LUZP2: variants seen among roughly 807,000 people sequenced by gnomAD.
The protein encoded by LUZP2 is leucine zipper protein 2.
Under a neutral mutation model 51.6 loss-of-function variants are expected in LUZP2, and 52 were observed. The ratio of observed to expected loss-of-function variants is 1.01; its 90% CI spans 0.81 to 1.27. LUZP2 has a LOEUF of 1.27. Among genes scored for constraint, LUZP2 ranks in the 50% most tolerant of loss-of-function variants. The probability of loss-of-function intolerance (pLI) is 0.00; values close to 1 mark genes in which losing one functional copy is unlikely to be tolerated. For synonymous variants in LUZP2, 154 were observed against 137.3 expected, an observed-to-expected ratio of 1.12 and a Z score of -0.85; for missense variants, 436 against 395.4, an observed-to-expected ratio of 1.10 and a Z score of -0.87.
Position 25,078,671 on chromosome 11 carries a change from T to C in LUZP2, c.*13T>C, listed in dbSNP as rs1859390342. 3 of 1,573,278 alleles carry C rather than the reference T, an allele frequency of 1.9e-6. No individual in the cohort carries two copies. Among genetic ancestry groups the C allele is most frequent in the Non-Finnish European group, 2.6e-6 (3 of 1,153,498 alleles). ...AAAAATACTGTAAATACTAAGAAAC[T>C]GTGTTAAAAACGTCCATTTGCTATT... On this transcript the variant is annotated 3_prime_UTR_variant, in exon 12 of 12. Coordinates refer to ENST00000336930, the MANE Select transcript of LUZP2 (RefSeq NM_001009909.4).
chr11:24,556,032 T>G (rs1851859604), intron 1 of LUZP2, among the ~76,000 whole-genome samples: 1 of 152,130 alleles, frequency 6.6e-6, no homozygotes, highest in African/African-American at 2.4e-5. Context: ...TGATCCTGCT[T>G]TTATGGGTGA....
rs547102399 is a variant in LUZP2 at position 24,919,792 on chromosome 11, T to G, written c.522+5254T>G. Among the ~76,000 whole-genome samples, 3 of 151,036 alleles carry G rather than the reference T, an allele frequency of 2.0e-5. No individual in the cohort carries two copies. In the South Asian group the frequency reaches 6.3e-4, roughly 32 times the overall value. The stretch of plus-strand genomic sequence containing the variant: ...GTTCATGAAAATTATTTTAAAATAT[T>G]AATTATTGCTACCTAGTACAGGTGA... On this transcript the variant is annotated intron_variant, in intron 7 of 11. Coordinates refer to ENST00000336930, the MANE Select transcript of LUZP2 (RefSeq NM_001009909.4).
At position 24,645,840 on chromosome 11, in the gene LUZP2, AGTGT is replaced by A. The variant is rs3077994; in HGVS notation, c.63-83308_63-83305del. Among the ~76,000 whole-genome samples, 116 of 149,616 alleles carry A rather than the reference AGTGT, an allele frequency of 7.8e-4. 1 individual carries two copies. The highest frequency in any genetic ancestry group is 3.5e-3 in the Middle Eastern group (1 of 286). ...ATACTTAACTTGGACATATATATTA[AGTGT>A]GTGTGTGTGTGTGTGTGTGTATCCT... On this transcript the variant is annotated intron_variant, in intron 1 of 11. Coordinates refer to ENST00000336930, the MANE Select transcript of LUZP2 (RefSeq NM_001009909.4).
At chr11:24,620,128 A>G (rs1436737326) in intron 1 of LUZP2, among the ~76,000 whole-genome samples, 1 of 152,200 alleles carries the variant, frequency 6.6e-6, no homozygotes, top group Non-Finnish European at 1.5e-5. Flanking sequence ...GTGAGTCTAA[A>G]GCCAAAATCT....
chr11:24,563,240 A>C (rs957109948), intron 1 of LUZP2, among the ~76,000 whole-genome samples: 1 of 152,202 alleles, frequency 6.6e-6, no homozygotes, highest in African/African-American at 2.4e-5. Context: ...ATGTATAGGG[A>C]CCACCAAAAC....
chr11:24,558,785 G>A (rs1470673355), intron 1 of LUZP2, among the ~76,000 whole-genome samples: 2 of 152,136 alleles, frequency 1.3e-5, no homozygotes, highest in Middle Eastern at 3.2e-3. Context: ...CATGAGGACA[G>A]TGTTTGTCAC....
intron 1 of LUZP2, among the ~76,000 whole-genome samples, chr11:24,604,197 T>C (rs1321849024): frequency 6.6e-6 from 1 of 151,882 alleles, no homozygotes; most frequent in Non-Finnish European, 1.5e-5. Context: ...GTCTGCTTTT[T>C]TACTAAAATG....
At chr11:24,933,912 ATACATTT>A (rs1854524429) in intron 7 of LUZP2, among the ~76,000 whole-genome samples, 1 of 152,160 alleles carries the variant, frequency 6.6e-6, no homozygotes, top group Admixed American at 6.5e-5. Flanking sequence ...ATCTTACAAA[ATACATTT>A]TCAAGGGTGG....
chr11:24,582,543 T>C (rs958111259), intron 1 of LUZP2, among the ~76,000 whole-genome samples: 1 of 152,104 alleles, frequency 6.6e-6, no homozygotes, highest in South Asian at 2.1e-4. Flanking sequence ...AAAGTAAAAA[T>C]GAAATAACTT....
At chr11:24,806,920 C>A (rs993183644) in intron 5 of LUZP2, among the ~76,000 whole-genome samples, 8 of 129,760 alleles carry the variant, frequency 6.2e-5, no homozygotes, top group East Asian at 5.0e-4. Context: ...AAAAAAAAAT[C>A]AAAAAATTAG....
chr11:24,774,374 A>C (rs1181021460), intron 5 of LUZP2, among the ~76,000 whole-genome samples: 43 of 61,246 alleles, frequency 7.0e-4, no homozygotes, highest in Non-Finnish European at 9.3e-4. Flanking sequence ...ATATATATAT[A>C]TATATATACA....
intron 5 of LUZP2, among the ~76,000 whole-genome samples, chr11:24,790,080 C>A (rs1021896864): frequency 6.6e-6 from 1 of 152,050 alleles, no homozygotes; most frequent in Non-Finnish European, 1.5e-5. Flanking sequence ...AATAACCATT[C>A]CTTCTCTCAT....
chr11:24,522,540 T>C (rs1406504439), intron 1 of LUZP2, among the ~76,000 whole-genome samples: 1 of 152,080 alleles, frequency 6.6e-6, no homozygotes, highest in African/African-American at 2.4e-5. Flanking sequence ...GTCTTAGGCT[T>C]CTTAGTATCC....
At position 25,031,018 on chromosome 11, in the gene LUZP2, T is replaced by A. The variant is rs1193499261; in HGVS notation, c.766-19020T>A. On this transcript the variant is annotated intron_variant, in intron 9 of 11. Coordinates refer to ENST00000336930, the MANE Select transcript of LUZP2 (RefSeq NM_001009909.4). ...TATTATATATATATATATATATATT[T>A]TTTTTTTTTTTTGAGACAGAGTCTC... 3.4e-4 allele frequency among the ~76,000 whole-genome samples: 20 copies of A among 59,306 alleles called. 1 individual carries two copies. The highest frequency in any genetic ancestry group is 5.5e-4 in the Non-Finnish European group (17 of 30,860). The allele number at this position is 59,306 out of a possible 152,430, so 38.9% of individuals were successfully genotyped here. A position where few individuals can be genotyped will look rare whatever the true frequency, so the allele number is the denominator to read the frequency against.
At chr11:24,972,230 C>T (rs1855761886) in intron 7 of LUZP2, among the ~76,000 whole-genome samples, 1 of 146,812 alleles carries the variant, frequency 6.8e-6, no homozygotes, top group Non-Finnish European at 1.5e-5. Context: ...ATTTATTCTT[C>T]CTGCCCTGAT....
At chr11:24,533,751 C>A (rs1156447169) in intron 1 of LUZP2, among the ~76,000 whole-genome samples, 1 of 151,148 alleles carries the variant, frequency 6.6e-6, no homozygotes, top group Non-Finnish European at 1.5e-5. Flanking sequence ...CACTTACCAG[C>A]TATTTGGGAC....
chr11:24,910,014 C>A, intron 6 of LUZP2, among the ~76,000 whole-genome samples: 1 of 152,110 alleles, frequency 6.6e-6, no homozygotes, highest in East Asian at 1.9e-4. Flanking sequence ...GAAGTCCAGG[C>A]TGAGGTGGTC....
intron 1 of LUZP2, among the ~76,000 whole-genome samples, chr11:24,506,038 G>GT (rs1850137637): frequency 6.6e-6 from 1 of 152,026 alleles, no homozygotes; most frequent in Non-Finnish European, 1.5e-5. Flanking sequence ...CAAGGACAGC[G>GT]TAACATTAAC....
At position 25,023,009 on chromosome 11, in the gene LUZP2, A is replaced by C. The variant is rs186677034; in HGVS notation, c.766-27029A>C. On this transcript the variant is annotated intron_variant, in intron 9 of 11. Coordinates refer to ENST00000336930, the MANE Select transcript of LUZP2 (RefSeq NM_001009909.4). ...TCCCAGGGATGAAGCCCACTTGATT[A>C]TGGTGGATAAACTTTTTGATATGCT... is the stretch of plus-strand genomic sequence containing the variant. Among the ~76,000 whole-genome samples the C allele has an allele frequency of 4.9e-3, 743 of 152,242 alleles. 3 individuals carry two copies. Among genetic ancestry groups the C allele is most frequent in the Middle Eastern group, 0.014 (4 of 294 alleles).
Sources: allele counts gnomAD v4.1 joint callset (sites outside exome capture counted in the v4.1 genomes callset), GRCh38; gene constraint gnomAD v4.1.1; transcripts MANE v1.5; gene names NCBI Gene and HGNC (gene_info 2026-07-23, HGNC 2026-07-21).